Variants in PHF3 observed in about 807,000 individuals in gnomAD.
PHF3 encodes the protein PHD finger protein 3.
Under a neutral mutation model 178.4 loss-of-function variants are expected in PHF3, and 41 were observed. That is an observed-to-expected ratio of 0.23 (90% CI 0.18 to 0.30). PHF3 has a LOEUF of 0.30. PHF3 is among the 10% of genes least tolerant of loss of function. The pLI, the probability that PHF3 is intolerant of heterozygous loss-of-function variation, is 1.00. For missense variants in PHF3, 2,346 were observed against 2,398.1 expected (o/e 0.98, Z 0.45); for synonymous variants, 842 against 800.5 (o/e 1.05, Z -0.88).
At chr6:63,710,257 G>A (rs1284576287) in intron 14 of PHF3, among the ~76,000 whole-genome samples, 2 of 152,134 alleles carry the variant, frequency 1.3e-5, no homozygotes, top group Non-Finnish European at 2.9e-5. Flanking sequence ...AATCACTCTT[G>A]AATCCACACA....
chr6:63,641,816 C>T (rs892275883), intron 1 of PHF3, among the ~76,000 whole-genome samples: 6 of 151,766 alleles, frequency 4.0e-5, no homozygotes, highest in East Asian at 1.9e-4. Context: ...TTAGTAGAGA[C>T]GGGGTTTCGT....
intron 1 of PHF3, among the ~76,000 whole-genome samples, chr6:63,643,950 C>T (rs901591238): frequency 1.3e-5 from 2 of 152,136 alleles, no homozygotes; most frequent in East Asian, 1.9e-4. Context: ...TTAGAATGGC[C>T]TGGTCTTCAG....
In PHF3 at chr6:63,713,049, C is replaced by T; in HGVS notation, c.5461C>T (p.Pro1821Ser). 1 of 1,614,004 alleles carries T rather than the reference C, an allele frequency of 6.2e-7. No individual in the cohort carries two copies. The highest frequency in any genetic ancestry group is 1.1e-5 in the South Asian group (1 of 91,072). ...SPPGFPFPGP[P>S]NFPPQSMFGF... ...ACCTGGATTTCCATTTCCAGGGCCTCCTAATTTTCCCCCACAAAGCATGTT... is the reference window on the plus strand; with the variant it reads ...ACCTGGATTTCCATTTCCAGGGCCTTCTAATTTTCCCCCACAAAGCATGTT... Residue 1821 changes from proline to serine, a missense_variant, in exon 16 of 16, where the codon CCT (proline) becomes TCT (serine). Pro to Ser is a moderately conservative substitution (Grantham distance 74, BLOSUM62 -1). Coordinates refer to ENST00000262043, the MANE Select transcript of PHF3 (RefSeq NM_001370348.2).
At chr6:63,655,754 A>T (rs954127869) in intron 2 of PHF3, among the ~76,000 whole-genome samples, 1 of 151,826 alleles carries the variant, frequency 6.6e-6, no homozygotes, top group Non-Finnish European at 1.5e-5. Flanking sequence ...TTGTTGTTTT[A>T]TTTCTTATGC....
intron 2 of PHF3, among the ~76,000 whole-genome samples, chr6:63,676,432 G>A (rs558615607): frequency 4.6e-5 from 7 of 152,324 alleles, no homozygotes; most frequent in African/African-American, 1.4e-4. Flanking sequence ...GTTAGGGAAG[G>A]TTTCTCTGAG....
chr6:63,694,978 C>A (rs1381944490), intron 6 of PHF3, among the ~76,000 whole-genome samples: 1 of 152,084 alleles, frequency 6.6e-6, no homozygotes, highest in Non-Finnish European at 1.5e-5. Context: ...TAAGATAAGA[C>A]CCCTCTTCTC....
chr6:63,671,293 C>G (rs1216920871), intron 2 of PHF3, among the ~76,000 whole-genome samples: 1 of 152,118 alleles, frequency 6.6e-6, no homozygotes, highest in East Asian at 1.9e-4. Flanking sequence ...CAGACTGTTT[C>G]CAGTGCTGGA....
rs1404290914 is a variant in PHF3 at position 63,716,044 on chromosome 6, A to G, written c.*2336A>G. ...TTAGGTAAAAGTACCAGGGCATCTC[A>G]GTACCTGTAAAGTTCACCCCATGTA... is the stretch of plus-strand genomic sequence containing the variant. On this transcript the variant is annotated 3_prime_UTR_variant, in exon 16 of 16. Transcript: ENST00000262043. Among the ~76,000 whole-genome samples the G allele has an allele frequency of 6.6e-6, 1 of 152,196 alleles. No homozygotes were observed. Among genetic ancestry groups the G allele is most frequent in the Non-Finnish European group, 1.5e-5 (1 of 68,020 alleles).
chr6:63,722,352 C>T lies in PHF3; in HGVS notation c.*8644C>T, dbSNP rs576576183. Among the ~76,000 whole-genome samples, 16 of 151,772 alleles carry T rather than the reference C, an allele frequency of 1.1e-4. No individual in the cohort carries two copies. Among genetic ancestry groups the T allele is most frequent in the African/African-American group, 3.9e-4 (16 of 41,522 alleles). On this transcript the variant is annotated 3_prime_UTR_variant, in exon 16 of 16. Transcript: ENST00000262043. ...GTCCTTCAGGTTTCAGATCAAGTGT[C>T]ACTTCCTCAGAGAAGTTTTCCTTGA...
intron 1 of PHF3, among the ~76,000 whole-genome samples, chr6:63,643,405 A>C (rs753175027): frequency 2.0e-5 from 3 of 152,190 alleles, no homozygotes; most frequent in Non-Finnish European, 4.4e-5. Context: ...TTATCTCCAG[A>C]GCCAGTTGGA....
chr6:63,665,491 T>G (rs1182827920), intron 2 of PHF3, among the ~76,000 whole-genome samples: 1 of 145,204 alleles, frequency 6.9e-6, no homozygotes, highest in Non-Finnish European at 1.5e-5. Context: ...TTTTTGTTTT[T>G]TTTTTTTTTT....
In PHF3 at chr6:63,723,850, CCTG is replaced by C. The variant is rs1768509266; in HGVS notation, c.*10145_*10147del. 6.7e-6 allele frequency among the ~76,000 whole-genome samples: 1 copy of C among 150,032 alleles called. No homozygotes were observed. ...ATTATTATTATTTTGAGACCAGAGT[CCTG>C]CTCTGTCCCCCAAGCTGGAGTGCAA... On this transcript the variant is annotated 3_prime_UTR_variant, in exon 16 of 16. Coordinates refer to ENST00000262043, the MANE Select transcript of PHF3 (RefSeq NM_001370348.2).
chr6:63,688,735 C>T (rs1434977961), intron 4 of PHF3, among the ~76,000 whole-genome samples: 1 of 152,116 alleles, frequency 6.6e-6, no homozygotes, highest in Admixed American at 6.5e-5. Context: ...GAAAATGCAC[C>T]TGTCATGCAG....
chr6:63,675,393 A>G (rs1222795688), intron 2 of PHF3, among the ~76,000 whole-genome samples: 1 of 152,200 alleles, frequency 6.6e-6, no homozygotes, highest in Non-Finnish European at 1.5e-5. Flanking sequence ...CCTCTGTTAT[A>G]AAGTTGGCAT....
Position 63,698,228 on chromosome 6 carries a change from C to T in PHF3, c.2686C>T (p.His896Tyr). ...TGEKASKPGT[H>Y]EKQEMKKKKV... is the part of the protein sequence containing the mutation. ...TCGATATTTATTCAAATTAGGTACT[C>T]ATGAGAAGCAAGAGATGAAAAAGAA... Residue 896 changes from histidine to tyrosine, a missense_variant, in exon 7 of 16, where the codon CAT (histidine) becomes TAT (tyrosine). This residue lies in a region of PHF3 where 252 missense variants were observed against 232.0 expected (regional missense o/e 1.09). Transcript: ENST00000262043. 1 of 1,608,228 alleles carries T rather than the reference C, an allele frequency of 6.2e-7. No homozygotes were observed. Among genetic ancestry groups the T allele is most frequent in the Non-Finnish European group, 8.5e-7 (1 of 1,176,290 alleles).
Position 63,722,562 on chromosome 6 carries a change from G to A in PHF3, c.*8854G>A, listed in dbSNP as rs1489830191. Reference sequence around the variant, plus strand: ...AAGTAAAGGCAATTCTGCAAGCTTGGAAAAAGCATGTTCTTCACTGTAAGA... The same window carrying A: ...AAGTAAAGGCAATTCTGCAAGCTTGAAAAAAGCATGTTCTTCACTGTAAGA... On this transcript the variant is annotated 3_prime_UTR_variant, in exon 16 of 16. Coordinates refer to ENST00000262043, the MANE Select transcript of PHF3 (RefSeq NM_001370348.2). Among the ~76,000 whole-genome samples, 1 of 152,184 alleles carries A rather than the reference G, an allele frequency of 6.6e-6. No individual in the cohort carries two copies. Among genetic ancestry groups the A allele is most frequent in the African/African-American group, 2.4e-5 (1 of 41,444 alleles).
At chr6:63,711,406 G>A (rs766872567) in intron 15 of PHF3, 44 bp downstream of exon 15, 1 of 1,493,270 alleles carries the variant, frequency 6.7e-7, no homozygotes, top group Non-Finnish European at 9.1e-7. Flanking sequence ...AAATAACATG[G>A]GAGGTGGGAC....
rs150797375 is a variant in PHF3 at position 63,646,701 on chromosome 6, C to A, written c.150C>A (p.Ser50Arg). The change falls in exon 2 of 16, where the codon AGC becomes AGA. Residue 50 changes from serine (S) to arginine (R), a missense_variant. Transcript: ENST00000262043. Reference sequence around the variant, plus strand: ...AGGACTCGCTGAAGAACATGCTCAGCGATAAGGATCCTATGCTAGGATCTG... The same window carrying A: ...AGGACTCGCTGAAGAACATGCTCAGAGATAAGGATCCTATGCTAGGATCTG... ...VLEDSLKNMLSDKDPMLGSAS... is the reference protein window; with the variant it reads ...VLEDSLKNMLRDKDPMLGSAS... 3.7e-6 allele frequency: 6 copies of A among 1,613,084 alleles called. No individual in the cohort carries two copies. Among genetic ancestry groups the A allele is most frequent in the Non-Finnish European group, 4.2e-6 (5 of 1,179,740 alleles).
In PHF3 at chr6:63,720,385, G is replaced by T; in HGVS notation, c.*6677G>T. On this transcript the variant is annotated 3_prime_UTR_variant, in exon 16 of 16. Transcript: ENST00000262043. ...CACTGAACTAATGGAGTTAAAACAT[G>T]AATCAAAATATATACAGATAAATTA... is the stretch of plus-strand genomic sequence containing the variant. 2.1e-6 allele frequency: 1 copy of T among 478,182 alleles called. No homozygotes were observed. The highest frequency in any genetic ancestry group is 4.9e-5 in the South Asian group (1 of 20,610). 29.6% of individuals were successfully genotyped at this position (478,182 alleles called of 1,614,324 possible). A position where few individuals can be genotyped will look rare whatever the true frequency, so the allele number is the denominator to read the frequency against.
Sources: gnomAD v4.1 joint callset for allele counts (sites outside exome capture counted in the v4.1 genomes callset) on GRCh38, gnomAD v4.1.1 for gene constraint, gnomAD v4.1.1 regional missense constraint, MANE v1.5 for transcripts, NCBI Gene and HGNC (gene_info 2026-07-23, HGNC 2026-07-21) for gene names.